Variants in KCNB2 observed in about 807,000 individuals in gnomAD.
KCNB2 encodes potassium voltage-gated channel subfamily B member 2, also known as delayed rectifier potassium channel protein.
A neutral mutation model predicts 61.5 loss-of-function variants in KCNB2; 15 were observed. The ratio of observed to expected loss-of-function variants is 0.24; its 90% confidence interval spans 0.16 to 0.38. KCNB2 has a LOEUF of 0.38. KCNB2 is among the 10% of genes least tolerant of loss of function. The pLI is 1.00. For synonymous variants in KCNB2, 457 were observed against 446.0 expected (o/e 1.02, Z -0.31); for missense variants, 828 against 1,125.2 (o/e 0.74, Z 3.78).
chr8:72,887,606 G>A (rs181518680), intron 2 of KCNB2, among the ~76,000 whole-genome samples: 1 of 152,320 alleles, frequency 6.6e-6, no homozygotes, highest in East Asian at 1.9e-4. Context: ...CACAGGAGGA[G>A]CTACAGTTTC....
At chr8:72,853,420 C>T (rs1008406534) in intron 2 of KCNB2, among the ~76,000 whole-genome samples, 2 of 152,160 alleles carry the variant, frequency 1.3e-5, no homozygotes, top group Admixed American at 1.3e-4. Flanking sequence ...ATTCCTTCAT[C>T]GCTTTTTCCC....
At chr8:72,549,987 T>C (rs1489383151) in intron 1 of KCNB2, among the ~76,000 whole-genome samples, 1 of 152,218 alleles carries the variant, frequency 6.6e-6, no homozygotes, top group Non-Finnish European at 1.5e-5. Context: ...CATGTCTCAC[T>C]GGGGCCCAGG....
chr8:72,745,529 A>G (rs1808047213), intron 2 of KCNB2, among the ~76,000 whole-genome samples: 1 of 152,180 alleles, frequency 6.6e-6, no homozygotes, highest in Non-Finnish European at 1.5e-5. Context: ...AAATTAGAAC[A>G]TATACACATA....
At chr8:72,920,104 A>T (rs1806480714) in intron 2 of KCNB2, among the ~76,000 whole-genome samples, 1 of 152,226 alleles carries the variant, frequency 6.6e-6, no homozygotes, top group African/African-American at 2.4e-5. Flanking sequence ...TTTTAAAATT[A>T]ATTACTTAAG....
rs148212764 is a variant in KCNB2, at chr8:72,659,332, T to G, written c.579+91019T>G. On this transcript the variant is annotated intron_variant, in intron 2 of 2. Transcript: ENST00000523207. ...GAGGCTAAAGATGTGACTGAATTGCTGCAATGACACGATTTGTCTTTAATA... is the reference window on the plus strand; with the variant it reads ...GAGGCTAAAGATGTGACTGAATTGCGGCAATGACACGATTTGTCTTTAATA... 5.4e-4 allele frequency among the ~76,000 whole-genome samples: 82 copies of G among 152,346 alleles called. 1 individual carries two copies. The highest frequency in any genetic ancestry group is 1.9e-3 in the African/African-American group (78 of 41,588).
At chr8:72,597,066 C>G (rs1807209379) in intron 2 of KCNB2, among the ~76,000 whole-genome samples, 1 of 123,510 alleles carries the variant, frequency 8.1e-6, no homozygotes, top group South Asian at 2.8e-4. Flanking sequence ...ATTCTGTCAC[C>G]AGGCTGGAGT....
At chr8:72,771,053 T>C (rs1418584602) in intron 2 of KCNB2, among the ~76,000 whole-genome samples, 3 of 152,226 alleles carry the variant, frequency 2.0e-5, no homozygotes, top group African/African-American at 7.2e-5. Context: ...AGCTATTGGC[T>C]AAGAAACATG....
chr8:72,730,950 G>A (rs1436526925), intron 2 of KCNB2, among the ~76,000 whole-genome samples: 1 of 152,130 alleles, frequency 6.6e-6, no homozygotes, highest in African/African-American at 2.4e-5. Context: ...AGTGGTGCAG[G>A]GGTTTAGCTT....
chr8:72,550,021 C>T (rs947605256), intron 1 of KCNB2, among the ~76,000 whole-genome samples: 1 of 152,208 alleles, frequency 6.6e-6, no homozygotes, highest in Non-Finnish European at 1.5e-5. Context: ...CTGGACACCT[C>T]ACCAGCCATT....
At chr8:72,718,737 A>T (rs1021483937) in intron 2 of KCNB2, among the ~76,000 whole-genome samples, 3 of 152,062 alleles carry the variant, frequency 2.0e-5, no homozygotes, top group Admixed American at 6.6e-5. Flanking sequence ...TGGGTGCAGC[A>T]CACCAACATG....
At chr8:72,886,416 A>C (rs148349614) in intron 2 of KCNB2, among the ~76,000 whole-genome samples, 1 of 152,234 alleles carries the variant, frequency 6.6e-6, no homozygotes, top group Non-Finnish European at 1.5e-5. Context: ...AACAAAGAAC[A>C]TGGCATTCTT....
chr8:72,656,753 A>G (rs2128986890), intron 2 of KCNB2, among the ~76,000 whole-genome samples: 1 of 152,266 alleles, frequency 6.6e-6, no homozygotes, highest in East Asian at 1.9e-4. Flanking sequence ...TGTAGATAAC[A>G]CTTTTCTCCC....
At chr8:72,660,506 T>G (rs1210641494) in intron 2 of KCNB2, 1 of 152,214 alleles carries the variant, frequency 6.6e-6, no homozygotes, top group Non-Finnish European at 1.5e-5. Flanking sequence ...ACCAAATACC[T>G]CATTTCCAAC....
intron 2 of KCNB2, among the ~76,000 whole-genome samples, chr8:72,625,821 G>C (rs1226641186): frequency 6.6e-6 from 1 of 152,164 alleles, no homozygotes; most frequent in Non-Finnish European, 1.5e-5. Context: ...TTCAAGGAAA[G>C]AATGGGAGGA....
intron 2 of KCNB2, among the ~76,000 whole-genome samples, chr8:72,775,558 A>T (rs2128997478): frequency 6.6e-6 from 1 of 152,284 alleles, no homozygotes; most frequent in Admixed American, 6.5e-5. Context: ...TATATATTTT[A>T]AAAACACAGA....
chr8:72,548,568 C>A (rs1178985563), intron 1 of KCNB2, among the ~76,000 whole-genome samples: 2 of 152,154 alleles, frequency 1.3e-5, no homozygotes, highest in Non-Finnish European at 2.9e-5. Context: ...GGGAAGTATA[C>A]CCTTCCTGGA....
intron 2 of KCNB2, among the ~76,000 whole-genome samples, chr8:72,700,738 A>G (rs1437223039): frequency 1.3e-5 from 2 of 152,146 alleles, no homozygotes; most frequent in Non-Finnish European, 2.9e-5. Context: ...TTTTGGGTAT[A>G]TATCTAAAAG....
intron 2 of KCNB2, among the ~76,000 whole-genome samples, chr8:72,698,076 C>T (rs1329047103): frequency 6.6e-6 from 1 of 152,120 alleles, no homozygotes; most frequent in East Asian, 1.9e-4. Flanking sequence ...TACCTCTCCT[C>T]ACTAACAATA....
chr8:72,605,578 A>G (rs1232069934), intron 2 of KCNB2, among the ~76,000 whole-genome samples: 1 of 152,210 alleles, frequency 6.6e-6, no homozygotes, highest in Admixed American at 6.5e-5. Flanking sequence ...AAAGTCTTTC[A>G]ACAGTTAGAT....
Sources: allele counts gnomAD v4.1 joint callset (sites outside exome capture counted in the v4.1 genomes callset), GRCh38; gene constraint gnomAD v4.1.1; transcripts MANE v1.5; gene names NCBI Gene and HGNC (gene_info 2026-07-23, HGNC 2026-07-21).